SOX6: variants seen among roughly 807,000 people sequenced by gnomAD.
The protein encoded by SOX6 is transcription factor SOX-6.
A neutral mutation model predicts 97.8 loss-of-function variants in SOX6; 11 were observed. The observed-to-expected ratio is 0.11, with a 90% CI of 0.07 to 0.19. The LOEUF (loss-of-function observed/expected upper bound fraction) is 0.19, where lower values mean the gene tolerates loss of function less well. Ranked by LOEUF, SOX6 falls within the 10% of genes least tolerant of loss-of-function variation. The pLI is 1.00. For missense variants in SOX6, 810 were observed against 1,039.5 expected, an observed-to-expected ratio of 0.78 and a Z score of 3.04; for synonymous variants, 360 against 371.4, an observed-to-expected ratio of 0.97 and a Z score of 0.35.
chr11:16,362,190 A>G (rs985917736), intron 1 of SOX6, among the ~76,000 whole-genome samples: 4 of 152,216 alleles, frequency 2.6e-5, no homozygotes, highest in Non-Finnish European at 2.9e-5. Context: ...CAGAGGGAGA[A>G]AAAGTAACAG....
At chr11:16,396,696 A>G (rs1858368481) in intron 1 of SOX6, among the ~76,000 whole-genome samples, 1 of 151,594 alleles carries the variant, frequency 6.6e-6, no homozygotes, top group African/African-American at 2.4e-5. Flanking sequence ...TATGGTCCAC[A>G]TCATGCTTGA....
At chr11:16,169,738 C>T (rs931619006) in intron 6 of SOX6, among the ~76,000 whole-genome samples, 7 of 152,022 alleles carry the variant, frequency 4.6e-5, no homozygotes, top group African/African-American at 1.7e-4. Context: ...TAAATTCCTT[C>T]CACTTGAGAC....
intron 3 of SOX6, among the ~76,000 whole-genome samples, chr11:16,616,800 A>G (rs982438308): frequency 2.6e-5 from 4 of 151,934 alleles, no homozygotes. Context: ...AACAAATTGT[A>G]TACATTTCTA....
chr11:16,451,935 G>A (rs1299460968), intron 1 of SOX6, among the ~76,000 whole-genome samples: 1 of 150,936 alleles, frequency 6.6e-6, no homozygotes, highest in African/African-American at 2.4e-5. Context: ...TCAAGCCATG[G>A]TCATGCCACT....
chr11:16,261,320 G>C (rs1853887021), intron 3 of SOX6, among the ~76,000 whole-genome samples: 1 of 152,056 alleles, frequency 6.6e-6, no homozygotes, highest in Non-Finnish European at 1.5e-5. Context: ...AATCTTACTG[G>C]ATCCTTAGAA....
At chr11:16,074,542 C>CTGAAACTAT (rs1848304779) in intron 9 of SOX6, among the ~76,000 whole-genome samples, 1 of 152,092 alleles carries the variant, frequency 6.6e-6, no homozygotes, top group Non-Finnish European at 1.5e-5. Flanking sequence ...GCCATTTCTA[C>CTGAAACTAT]TGAAACTATT....
chr11:16,598,754 A>C (rs1012612859), intron 4 of SOX6, among the ~76,000 whole-genome samples: 2 of 152,100 alleles, frequency 1.3e-5, no homozygotes, highest in Non-Finnish European at 2.9e-5. Flanking sequence ...TTAAAGAACC[A>C]CTTTTCAAAG....
chr11:16,274,415 T>G (rs1854338172), intron 3 of SOX6, among the ~76,000 whole-genome samples: 1 of 152,194 alleles, frequency 6.6e-6, no homozygotes. Flanking sequence ...TGTGTAAGAA[T>G]GATATCTATC....
intron 6 of SOX6, among the ~76,000 whole-genome samples, chr11:16,123,299 A>G (rs1849537155): frequency 6.6e-6 from 1 of 152,028 alleles, no homozygotes; most frequent in Admixed American, 6.6e-5. Flanking sequence ...TATCATGGAG[A>G]GCAGAAGCAG....
upstream of SOX6, among the ~76,000 whole-genome samples, chr11:16,478,900 T>C (rs568126643): frequency 1.1e-4 from 16 of 152,332 alleles, no homozygotes; most frequent in Admixed American, 8.5e-4. Context: ...CATTACGTGT[T>C]CTGGAAAATC....
At chr11:16,155,510 T>C (rs1473067671) in intron 6 of SOX6, among the ~76,000 whole-genome samples, 5 of 152,178 alleles carry the variant, frequency 3.3e-5, no homozygotes, top group Non-Finnish European at 5.9e-5. Flanking sequence ...AGGCTACTTA[T>C]TGTGATGCCT....
At chr11:16,366,457 T>C (rs1857360277) in intron 1 of SOX6, among the ~76,000 whole-genome samples, 1 of 152,146 alleles carries the variant, frequency 6.6e-6, no homozygotes, top group African/African-American at 2.4e-5. Context: ...CTTCCCAGTC[T>C]ATGACAGGTA....
Position 16,234,573 on chromosome 11 carries a change from A to T in SOX6, c.535+9T>A, listed in dbSNP as rs780114318. On this transcript the variant is annotated intron_variant, in intron 4 of 15. Transcript: ENST00000683767. ...TGCATTGACATGTTCGATATATTTT[A>T]TGTTGTACCTTTAATTTCTCCAAGA... is the stretch of plus-strand genomic sequence containing the variant. 1.3e-6 allele frequency: 2 copies of T among 1,493,528 alleles called. No homozygotes were observed. Among genetic ancestry groups the T allele is most frequent in the East Asian group, 4.6e-5 (2 of 43,814 alleles). 92.5% of individuals were successfully genotyped at this position (1,493,528 alleles called of 1,614,324 possible).
At chr11:16,376,692 A>T (rs1443785436) in intron 1 of SOX6, among the ~76,000 whole-genome samples, 1 of 152,186 alleles carries the variant, frequency 6.6e-6, no homozygotes, top group Non-Finnish European at 1.5e-5. Flanking sequence ...AGAATTCCTC[A>T]TGGTCATCAC....
At chr11:16,379,320 A>C (rs297336) in intron 1 of SOX6, among the ~76,000 whole-genome samples, 2 of 151,940 alleles carry the variant, frequency 1.3e-5, no homozygotes, top group Non-Finnish European at 2.9e-5. Flanking sequence ...GACAAAATCC[A>C]CCGGGCATGG....
intron 3 of SOX6, chr11:16,317,408 C>A (rs1855783572): frequency 6.6e-6 from 1 of 151,790 alleles, no homozygotes; most frequent in African/African-American, 2.4e-5. Flanking sequence ...AATTTTGTGG[C>A]TCGAGTAGAT....
At chr11:16,215,334 G>A (rs1363486390) in intron 4 of SOX6, among the ~76,000 whole-genome samples, 1 of 152,170 alleles carries the variant, frequency 6.6e-6, no homozygotes, top group Non-Finnish European at 1.5e-5. Flanking sequence ...TTATAAGAGA[G>A]ATGACAATCT....
chr11:15,989,515 T>C (rs1023431705), intron 13 of SOX6, among the ~76,000 whole-genome samples: 32 of 152,202 alleles, frequency 2.1e-4, no homozygotes, highest in African/African-American at 7.0e-4. Flanking sequence ...CATTACCTTA[T>C]GGTAAACTTT....
intron 3 of SOX6, among the ~76,000 whole-genome samples, chr11:16,705,723 A>G (rs570537338): frequency 1.1e-4 from 17 of 152,334 alleles, no homozygotes; most frequent in African/African-American, 4.1e-4. Flanking sequence ...GCTTATATAG[A>G]AGCAAAGTTT....
Sources: allele counts gnomAD v4.1 joint callset (sites outside exome capture counted in the v4.1 genomes callset), GRCh38; gene constraint gnomAD v4.1.1; transcripts MANE v1.5; gene names NCBI Gene and HGNC (gene_info 2026-07-23, HGNC 2026-07-21).